SLIT3: variants seen among roughly 807,000 people sequenced by gnomAD.
SLIT3 encodes the protein slit guidance ligand 3, also known as slit homolog 3 protein.
A neutral mutation model predicts 184.0 loss-of-function variants in SLIT3; 68 were observed. The observed-to-expected ratio is 0.37, with a 90% CI of 0.30 to 0.45. SLIT3 has a LOEUF of 0.45. Among genes scored for constraint, SLIT3 ranks in the 20% least tolerant of loss-of-function variants. SLIT3 has a pLI of 1.00. For missense variants in SLIT3, 1,707 were observed against 2,026.0 expected, an observed-to-expected ratio of 0.84 and a Z score of 3.02; for synonymous variants, 831 against 828.6, an observed-to-expected ratio of 1.00 and a Z score of -0.05.
chr5:169,007,567 TAA>T (rs1755981389), intron 4 of SLIT3, among the ~76,000 whole-genome samples: 1 of 152,256 alleles, frequency 6.6e-6, no homozygotes, highest in Non-Finnish European at 1.5e-5. Flanking sequence ...ATGTGTGTGT[TAA>T]GTGTGTATTT....
intron 26 of SLIT3, among the ~76,000 whole-genome samples, chr5:168,704,385 CA>C (rs1294020663): frequency 8.5e-5 from 13 of 152,160 alleles, no homozygotes; most frequent in Non-Finnish European, 8.8e-5. Context: ...TTCATCCTTC[CA>C]ACAGCCCTGC....
chr5:168,972,861 G>T (rs533039510), intron 4 of SLIT3, among the ~76,000 whole-genome samples: 2 of 152,302 alleles, frequency 1.3e-5, no homozygotes, highest in African/African-American at 4.8e-5. Flanking sequence ...TCTGTTCGCA[G>T]GTCAAATGCA....
At chr5:169,284,313 AC>A (rs925732511) in intron 1 of SLIT3, among the ~76,000 whole-genome samples, 3 of 152,142 alleles carry the variant, frequency 2.0e-5, no homozygotes, top group African/African-American at 7.2e-5. Context: ...CTTACCTGGG[AC>A]CCTGAGCTCC....
At chr5:169,084,746 CCT>C (rs1332782901) in intron 4 of SLIT3, among the ~76,000 whole-genome samples, 3 of 152,182 alleles carry the variant, frequency 2.0e-5, no homozygotes, top group African/African-American at 7.2e-5. Context: ...GCAGAGTTCC[CCT>C]CTTTCAGGGG....
At chr5:168,780,669 C>T (rs947552703) in intron 12 of SLIT3, among the ~76,000 whole-genome samples, 1 of 152,194 alleles carries the variant, frequency 6.6e-6, no homozygotes. Flanking sequence ...AATTAAGCTA[C>T]AGGATATAGA....
intron 4 of SLIT3, among the ~76,000 whole-genome samples, chr5:168,943,350 T>C (rs537873482): frequency 3.9e-5 from 6 of 152,340 alleles, no homozygotes; most frequent in South Asian, 4.1e-4. Flanking sequence ...TGATATCTGA[T>C]ACAATTCTCA....
intron 4 of SLIT3, among the ~76,000 whole-genome samples, chr5:169,176,468 GC>G (rs1762988707): frequency 6.6e-6 from 1 of 152,106 alleles, no homozygotes; most frequent in Admixed American, 6.5e-5. Context: ...ATGAATAGAG[GC>G]AGAAGCAATA....
chr5:168,732,140 A>G (rs1338571903), intron 20 of SLIT3, among the ~76,000 whole-genome samples: 1 of 152,148 alleles, frequency 6.6e-6, no homozygotes, highest in Non-Finnish European at 1.5e-5. Context: ...TAGCATTCCT[A>G]AACACCAATA....
intron 4 of SLIT3, among the ~76,000 whole-genome samples, chr5:168,975,492 TAC>T (rs1754721827): frequency 6.6e-6 from 1 of 150,866 alleles, no homozygotes; most frequent in Non-Finnish European, 1.5e-5. Context: ...TAGACACCCC[TAC>T]ACAGAGACAT....
intron 16 of SLIT3, among the ~76,000 whole-genome samples, chr5:168,757,817 C>T (rs770706461): frequency 6.6e-6 from 1 of 152,196 alleles, no homozygotes; most frequent in Non-Finnish European, 1.5e-5. Flanking sequence ...ACCCTGTCTC[C>T]CCAGTACCAC....
intron 5 of SLIT3, among the ~76,000 whole-genome samples, chr5:168,845,620 C>T (rs1157210364): frequency 2.0e-5 from 3 of 151,776 alleles, no homozygotes; most frequent in Admixed American, 6.6e-5. Flanking sequence ...ACACAGATAC[C>T]AGGGTTTTTT....
In SLIT3 at chr5:168,711,058, C is replaced by G; in HGVS notation, c.2556G>C (p.Leu852=). The G allele has an allele frequency of 1.3e-6, 2 of 1,571,438 alleles. No individual in the cohort carries two copies. Among genetic ancestry groups the G allele is most frequent in the South Asian group, 2.4e-5 (2 of 84,656 alleles). Residue 852 remains leucine, a splice_region_variant and synonymous_variant, in exon 25 of 36, where the codon CTG becomes CTC. Transcript: ENST00000519560. ...SFNDLTSLSH[L]ALGTNPLHCD... ...AGTGGAGTGGGTTGGTTCCCAGCGC[C>G]CTAGGAGGCAGAACAGGAAGTCAGG...
In SLIT3 at chr5:168,696,386, G is replaced by A; in HGVS notation, c.2988C>T (p.Asn996=). The A allele has an allele frequency of 6.2e-7, 1 of 1,614,170 alleles. No individual in the cohort carries two copies. The highest frequency in any genetic ancestry group is 8.5e-7 in the Non-Finnish European group (1 of 1,180,044). The part of the protein sequence containing the change: ...LGFEGQRCEI[N]PDDCEDNDCE... ...AGTCGTTGTCCTCACAGTCATCTGG[G>A]TTGATCTCACACCGCTGCCCCTCAA... Residue 996 remains asparagine, a synonymous_variant, in exon 28 of 36, where the codon AAC becomes AAT. Coordinates refer to ENST00000519560, the MANE Select transcript of SLIT3 (RefSeq NM_003062.4).
At position 168,760,955 on chromosome 5, in the gene SLIT3, G is replaced by A. The variant is rs1245370422; in HGVS notation, c.1611-19C>T. 1 of 1,598,400 alleles carries A rather than the reference G, an allele frequency of 6.3e-7. No individual in the cohort carries two copies. Among genetic ancestry groups the A allele is most frequent in the South Asian group, 1.1e-5 (1 of 90,676 alleles). ...CAGTCGCCTGTGTAGGAAGCAAGAT[G>A]AGTGGTAGGTTAGCTGTGGACGAGG... On this transcript the variant is annotated intron_variant, in intron 15 of 35. Transcript: ENST00000519560.
chr5:168,819,374 A>G (rs1470150354), intron 7 of SLIT3, among the ~76,000 whole-genome samples: 1 of 152,256 alleles, frequency 6.6e-6, no homozygotes, highest in Non-Finnish European at 1.5e-5. Context: ...GAACACGGCA[A>G]CAGTAGGTCT....
At chr5:168,778,599 G>A (rs1179228106) in intron 12 of SLIT3, among the ~76,000 whole-genome samples, 4 of 152,226 alleles carry the variant, frequency 2.6e-5, no homozygotes, top group Non-Finnish European at 5.9e-5. Context: ...TCTTTACTGA[G>A]TGGCTTGCAT....
At chr5:169,106,527 T>C (rs568531969) in intron 4 of SLIT3, among the ~76,000 whole-genome samples, 2 of 152,288 alleles carry the variant, frequency 1.3e-5, no homozygotes, top group East Asian at 3.9e-4. Context: ...TGTATCAACA[T>C]GCAAAACACT....
chr5:169,025,854 C>G (rs545533356), intron 4 of SLIT3, among the ~76,000 whole-genome samples: 1 of 152,192 alleles, frequency 6.6e-6, no homozygotes, highest in Non-Finnish European at 1.5e-5. Context: ...AGGGCCTGCA[C>G]TTTGTATTAT....
chr5:169,088,182 G>A (rs1336213515), intron 4 of SLIT3, among the ~76,000 whole-genome samples: 1 of 152,166 alleles, frequency 6.6e-6, no homozygotes. Flanking sequence ...GGAAGGGACT[G>A]AGCAACTCTA....
Sources: gnomAD v4.1 joint callset for allele counts (sites outside exome capture counted in the v4.1 genomes callset) on GRCh38, gnomAD v4.1.1 for gene constraint, MANE v1.5 for transcripts, NCBI Gene and HGNC (gene_info 2026-07-23, HGNC 2026-07-21) for gene names.